The following SUPT3H variants were observed in gnomAD, a reference collection of about 807,000 sequenced individuals.
SUPT3H encodes transcription initiation protein SPT3 homolog.
In SUPT3H, 44 loss-of-function variants were observed where a neutral mutation model predicts 44.3. The ratio of observed to expected loss-of-function variants is 0.99; its 90% CI spans 0.78 to 1.28. SUPT3H has a LOEUF of 1.28. Among genes scored for constraint, SUPT3H ranks in the 50% most tolerant of loss-of-function variants. SUPT3H has a pLI of 0.00. For synonymous variants in SUPT3H, 124 were observed against 125.6 expected, an observed-to-expected ratio of 0.99 and a Z score of 0.09; for missense variants, 380 against 387.1, an observed-to-expected ratio of 0.98 and a Z score of 0.15.
chr6:45,330,979 C>G (rs1173228865), intron 2 of SUPT3H, among the ~76,000 whole-genome samples: 1 of 151,894 alleles, frequency 6.6e-6, no homozygotes, highest in African/African-American at 2.4e-5. Flanking sequence ...TTATCACCAC[C>G]ACCTAATGAA....
At chr6:45,338,912 T>C (rs1789177795) in intron 2 of SUPT3H, among the ~76,000 whole-genome samples, 1 of 152,134 alleles carries the variant, frequency 6.6e-6, no homozygotes. Flanking sequence ...GCTTGCCTCA[T>C]ACAAATTCTA....
intron 2 of SUPT3H, among the ~76,000 whole-genome samples, chr6:45,156,566 T>C (rs1177378941): frequency 6.6e-6 from 1 of 151,248 alleles, no homozygotes; most frequent in Non-Finnish European, 1.5e-5. Flanking sequence ...CTAATACTAA[T>C]ATAATTAATA....
intron 2 of SUPT3H, among the ~76,000 whole-genome samples, chr6:45,185,528 C>G (rs1814054106): frequency 6.6e-6 from 1 of 152,180 alleles, no homozygotes. Context: ...TCCAAAACCG[C>G]AACAGCCTGC....
At chr6:45,000,918 T>G (rs2153504561) in intron 6 of SUPT3H, among the ~76,000 whole-genome samples, 1 of 152,196 alleles carries the variant, frequency 6.6e-6, no homozygotes, top group South Asian at 2.1e-4. Context: ...TGTTTACATC[T>G]CTTTACAAAC....
At chr6:45,224,980 TC>T (rs1477368951) in intron 2 of SUPT3H, among the ~76,000 whole-genome samples, 1 of 151,946 alleles carries the variant, frequency 6.6e-6, no homozygotes, top group Non-Finnish European at 1.5e-5. Flanking sequence ...TTATTAAACT[TC>T]TAAAAATATA....
At chr6:45,264,311 ATTG>A (rs1360744575) in intron 2 of SUPT3H, among the ~76,000 whole-genome samples, 1 of 152,122 alleles carries the variant, frequency 6.6e-6, no homozygotes, top group African/African-American at 2.4e-5. Context: ...TGGTGTAAAA[ATTG>A]TTGTGGGTAA....
intron 2 of SUPT3H, among the ~76,000 whole-genome samples, chr6:45,262,281 A>G (rs1432255228): frequency 6.6e-6 from 1 of 151,622 alleles, no homozygotes; most frequent in Non-Finnish European, 1.5e-5. Flanking sequence ...TTCTAAGCAA[A>G]AAGAAAAGCA....
chr6:45,249,645 A>T (rs1410959209), intron 2 of SUPT3H, among the ~76,000 whole-genome samples: 1 of 152,166 alleles, frequency 6.6e-6, no homozygotes, highest in Non-Finnish European at 1.5e-5. Context: ...CTGACAACCA[A>T]AACACATTGT....
chr6:44,893,117 C>T (rs960256171), intron 10 of SUPT3H, among the ~76,000 whole-genome samples: 2 of 152,044 alleles, frequency 1.3e-5, no homozygotes, highest in Non-Finnish European at 2.9e-5. Context: ...ACAGCAGAGG[C>T]CTGTGTGCCT....
chr6:45,253,121 A>G (rs979263812), intron 2 of SUPT3H, among the ~76,000 whole-genome samples: 2 of 152,196 alleles, frequency 1.3e-5, no homozygotes, highest in African/African-American at 4.8e-5. Flanking sequence ...AAAAATAAGT[A>G]CTATAAACAT....
At chr6:45,303,653 G>A (rs1399797522) in intron 2 of SUPT3H, among the ~76,000 whole-genome samples, 1 of 133,160 alleles carries the variant, frequency 7.5e-6, no homozygotes, top group Admixed American at 8.1e-5. Flanking sequence ...AGAATGAGAT[G>A]TTGCCTGATT....
At chr6:45,046,970 C>G (rs1336907584) in intron 3 of SUPT3H, among the ~76,000 whole-genome samples, 2 of 151,962 alleles carry the variant, frequency 1.3e-5, no homozygotes, top group African/African-American at 4.8e-5. Context: ...CCATAGATAC[C>G]TTATGTTTTT....
At chr6:44,992,654 A>G (rs551290500) in intron 6 of SUPT3H, among the ~76,000 whole-genome samples, 37 of 152,268 alleles carry the variant, frequency 2.4e-4, no homozygotes, top group Non-Finnish European at 5.0e-4. Flanking sequence ...GCTCCCCTGC[A>G]GACTAAAGAA....
intron 11 of SUPT3H, among the ~76,000 whole-genome samples, chr6:44,816,905 C>CAA (rs547171999): frequency 4.8e-5 from 5 of 103,170 alleles, no homozygotes; most frequent in African/African-American, 1.1e-4. Context: ...AAAACAACAA[C>CAA]AAAAAAAATG....
chr6:45,314,676 G>A (rs1172851753), intron 2 of SUPT3H, among the ~76,000 whole-genome samples: 3 of 152,118 alleles, frequency 2.0e-5, no homozygotes, highest in Admixed American at 2.0e-4. Context: ...TATGCTCACG[G>A]ATGGCCAGAA....
chr6:44,828,261 TAAA>T lies in SUPT3H; in HGVS notation c.*1552_*1554del, dbSNP rs1471411670. Among the ~76,000 whole-genome samples, 1 of 149,772 alleles carries T rather than the reference TAAA, an allele frequency of 6.7e-6. No individual in the cohort carries two copies. Among genetic ancestry groups the T allele is most frequent in the East Asian group, 1.9e-4 (1 of 5,204 alleles). Reference sequence around the variant, plus strand: ...TGGATGCCAAGGAAAATAAGAATGATAAAAAGTTTAATCATAATCATACATTTT... The same window carrying T: ...TGGATGCCAAGGAAAATAAGAATGATAAGTTTAATCATAATCATACATTTT... On this transcript the variant is annotated 3_prime_UTR_variant, in exon 11 of 11. Coordinates refer to ENST00000371459, the MANE Select transcript of SUPT3H (RefSeq NM_003599.4).
chr6:45,296,183 AC>A (rs1372352057), intron 2 of SUPT3H, among the ~76,000 whole-genome samples: 14 of 72,594 alleles, frequency 1.9e-4, no homozygotes, highest in African/African-American at 7.1e-4. Context: ...ACATACACAT[AC>A]TACACACACA....
At chr6:45,041,153 C>T (rs1329783336) in intron 3 of SUPT3H, among the ~76,000 whole-genome samples, 1 of 152,044 alleles carries the variant, frequency 6.6e-6, no homozygotes, top group Admixed American at 6.6e-5. Flanking sequence ...AAGGGGCTTC[C>T]ATTACGTTAG....
intron 11 of SUPT3H, among the ~76,000 whole-genome samples, chr6:44,813,672 A>G (rs1408414744): frequency 6.6e-6 from 1 of 151,538 alleles, no homozygotes; most frequent in African/African-American, 2.4e-5. Context: ...TTTTTTCAAA[A>G]AAGAATCAAA....
Sources: allele counts gnomAD v4.1 joint callset (sites outside exome capture counted in the v4.1 genomes callset), GRCh38; gene constraint gnomAD v4.1.1; transcripts MANE v1.5; gene names NCBI Gene and HGNC (gene_info 2026-07-23, HGNC 2026-07-21).